Variants in USP6 observed in about 807,000 individuals in gnomAD.
USP6 encodes the protein ubiquitin carboxyl-terminal hydrolase 6.
Under a neutral mutation model 175.7 loss-of-function variants are expected in USP6, and 128 were observed. The ratio of observed to expected loss-of-function variants is 0.73; its 90% CI spans 0.63 to 0.84. USP6 has a LOEUF of 0.84. Among genes scored for constraint, USP6 ranks in the 40% least tolerant of loss-of-function variants. The pLI, the probability that USP6 is intolerant of heterozygous loss-of-function variation, is 0.00. For synonymous variants in USP6, 562 were observed against 630.6 expected (o/e 0.89, Z 1.63); for missense variants, 1,498 against 1,760.3 (o/e 0.85, Z 2.67).
intron 30 of USP6, among the ~76,000 whole-genome samples, chr17:5,150,475 G>A (rs1414720029): frequency 6.6e-6 from 1 of 151,380 alleles, no homozygotes; most frequent in Non-Finnish European, 1.5e-5. Flanking sequence ...TAAATTTGGT[G>A]GCTTTAAACA....
Position 5,132,439 on chromosome 17 carries a change from A to G in USP6, c.195+4A>G. ...TGTGACTGCACGGGAGGCGAAGGTAAGAGCCTGATGCGTGGAGGGGCTGGT... is the reference window on the plus strand; with the variant it reads ...TGTGACTGCACGGGAGGCGAAGGTAGGAGCCTGATGCGTGGAGGGGCTGGT... On this transcript the variant is annotated splice_donor_region_variant and intron_variant, in intron 12 of 37. Transcript: ENST00000574788. The surrounding 1 kb of genome is among the most constrained non-coding windows in gnomAD (Gnocchi z 4.7). The G allele has an allele frequency of 2.5e-6, 4 of 1,612,086 alleles. No homozygotes were observed. Among genetic ancestry groups the G allele is most frequent in the Non-Finnish European group, 3.4e-6 (4 of 1,179,824 alleles).
chr17:5,152,039 C>G (rs1372847362), intron 30 of USP6, among the ~76,000 whole-genome samples: 1 of 152,102 alleles, frequency 6.6e-6, no homozygotes, highest in Non-Finnish European at 1.5e-5. Context: ...GTCAGGAGTT[C>G]AAGACCAGCC....
intron 15 of USP6, chr17:5,135,025 G>T: frequency 1.8e-6 from 1 of 550,212 alleles, no homozygotes; most frequent in African/African-American, 1.9e-5. Context: ...GAAAAGGATC[G>T]GTCAACTCAC....
intron 36 of USP6, among the ~76,000 whole-genome samples, chr17:5,171,317 G>A (rs1181501210): frequency 2.0e-5 from 3 of 152,112 alleles, no homozygotes; most frequent in Non-Finnish European, 2.9e-5. Flanking sequence ...CCCAGCCTGG[G>A]TGATAGAGCA....
chr17:5,143,751 T>TAA (rs530283221), intron 25 of USP6, among the ~76,000 whole-genome samples: 6 of 111,792 alleles, frequency 5.4e-5, no homozygotes, highest in Non-Finnish European at 3.9e-5. Context: ...GAATGATCAA[T>TAA]AAAAAAAAAA....
rs1482503841 is a variant in USP6, at chr17:5,135,173, C to A, written c.495-61C>A. 3.8e-6 allele frequency: 6 copies of A among 1,568,942 alleles called. No individual in the cohort carries two copies. In the Admixed American group the frequency reaches 1.0e-4, roughly 26 times the overall value. On this transcript the variant is annotated intron_variant, in intron 15 of 37. Coordinates refer to ENST00000574788, the MANE Select transcript of USP6 (RefSeq NM_001304284.2). ...AATGGGATTTGTTAGGATTTGTAGA[C>A]AAAGTGAAACTAACAGCATCTGCAC...
intron 2 of USP6, among the ~76,000 whole-genome samples, chr17:5,118,894 C>T (rs1327046208): frequency 6.6e-6 from 1 of 152,096 alleles, no homozygotes; most frequent in Non-Finnish European, 1.5e-5. Flanking sequence ...GTGGGGCAGC[C>T]ATAGGTATTT....
At chr17:5,142,926 C>T (rs1333179151) in intron 25 of USP6, among the ~76,000 whole-genome samples, 1 of 152,228 alleles carries the variant, frequency 6.6e-6, no homozygotes, top group Admixed American at 6.5e-5. Flanking sequence ...CGCAGGGGCT[C>T]ATGCCTGTAA....
rs114040767 is a variant in USP6, at chr17:5,119,911, C to G, written c.-1836-716C>G. ...CTGCACAGGGACCCCTCCTTCAGGT[C>G]TGTCGGACTTGTATCCACCCCACCT... On this transcript the variant is annotated intron_variant, in intron 2 of 37. Transcript: ENST00000574788. Among the ~76,000 whole-genome samples the G allele has an allele frequency of 6.4e-3, 974 of 152,218 alleles. 13 individuals are homozygous for G. The highest frequency in any genetic ancestry group is 0.021 in the African/African-American group (877 of 41,548).
In USP6 at chr17:5,174,558, CA is replaced by C; in HGVS notation, c.*1584del. The C allele has an allele frequency of 5.2e-6, 1 of 193,174 alleles. No individual in the cohort carries two copies. Among genetic ancestry groups the C allele is most frequent in the East Asian group, 8.2e-5 (1 of 12,162 alleles). 12.0% of individuals were successfully genotyped at this position (193,174 alleles called of 1,614,324 possible). ...AATTGTCTAATGTAATAAAGTCAGA[CA>C]AAATGCACACTTTATAGTTTCAAGA... On this transcript the variant is annotated 3_prime_UTR_variant, in exon 38 of 38. Coordinates refer to ENST00000574788, the MANE Select transcript of USP6 (RefSeq NM_001304284.2).
intron 30 of USP6, among the ~76,000 whole-genome samples, chr17:5,153,486 A>G (rs755778534): frequency 1.9e-4 from 28 of 151,152 alleles, no homozygotes; most frequent in Admixed American, 5.9e-4. Context: ...GGGTCTCTCT[A>G]TGTTGGTTAG....
rs1440750895 is a variant in USP6 at position 5,125,153 on chromosome 17, G to A, written c.-711G>A. The A allele has an allele frequency of 6.6e-6, 1 of 152,500 alleles. No individual in the cohort carries two copies. The highest frequency in any genetic ancestry group is 2.4e-5 in the African/African-American group (1 of 41,466). The allele number at this position is 152,500 out of a possible 1,614,324, so 9.4% of individuals were successfully genotyped here. A position where few individuals can be genotyped will look rare whatever the true frequency, so the allele number is the denominator to read the frequency against. On this transcript the variant is annotated 5_prime_UTR_variant, in exon 5 of 38. It removes the in-frame stop codon of an upstream open reading frame in the 5' UTR. Coordinates refer to ENST00000574788, the MANE Select transcript of USP6 (RefSeq NM_001304284.2). The stretch of plus-strand genomic sequence containing the variant: ...GTGAACTGCGCATGCCAGGGATCTA[G>A]ATTGCGTGCTCCTTATGAGAACCTA...
At chr17:5,137,258 G>T in intron 19 of USP6, 72 bp downstream of exon 19, 3 of 1,571,420 alleles carry the variant, frequency 1.9e-6, no homozygotes, top group Non-Finnish European at 2.6e-6. Context: ...CCCAGCCCGG[G>T]GGTCTGGCTC....
rs750791215 is a variant in USP6, at chr17:5,139,571, C to G, written c.1395C>G (p.Gly465=). ...TCCCAACGGACCTGGATATAGGGGG[C>G]CCTTGGTTCCCCCATTATGATTTTG... The part of the protein sequence containing the change: ...PRLPTDLDIG[G]PWFPHYDFEW... Residue 465 remains glycine, a synonymous_variant, in exon 22 of 38, where the codon GGC becomes GGG. Coordinates refer to ENST00000574788, the MANE Select transcript of USP6 (RefSeq NM_001304284.2). The G allele has an allele frequency of 1.9e-6, 3 of 1,613,740 alleles. No homozygotes were observed. The Admixed American group carries it at 5.0e-5, about 27-fold the overall frequency.
intron 1 of USP6, among the ~76,000 whole-genome samples, 198 bp downstream of exon 1, chr17:5,116,938 G>A (rs1411746954): frequency 1.3e-5 from 2 of 152,220 alleles, no homozygotes; most frequent in South Asian, 2.1e-4. Context: ...AACAGCTCGT[G>A]GAAAGGCCAC....
At position 5,116,064 on chromosome 17, in the gene USP6, C is replaced by A. The variant is rs931181768; in HGVS notation, c.-2604C>A. Among the ~76,000 whole-genome samples the A allele has an allele frequency of 4.6e-5, 7 of 152,210 alleles. No individual in the cohort carries two copies. The highest frequency in any genetic ancestry group is 7.4e-5 in the Non-Finnish European group (5 of 68,024). ...TAGCGGCGCGGCGGGACGGGCGGGCCCCGACGCCCAGCTCCAAATGCGTGG... is the reference window on the plus strand; with the variant it reads ...TAGCGGCGCGGCGGGACGGGCGGGCACCGACGCCCAGCTCCAAATGCGTGG... On this transcript the variant is annotated 5_prime_UTR_variant, in exon 1 of 38. Transcript: ENST00000574788.
At chr17:5,131,853 GGTGT>G (rs1239024750) in intron 11 of USP6, among the ~76,000 whole-genome samples, 1 of 151,998 alleles carries the variant, frequency 6.6e-6, no homozygotes, top group Non-Finnish European at 1.5e-5. Context: ...TGAAATGCAG[GGTGT>G]GTGGCTCAGA....
chr17:5,171,873 AAG>A (rs2074225749), intron 37 of USP6, among the ~76,000 whole-genome samples, 194 bp downstream of exon 37: 1 of 150,908 alleles, frequency 6.6e-6, no homozygotes, highest in African/African-American at 2.5e-5. Flanking sequence ...AGGAAAAATA[AAG>A]AGTTAGTTGA....
chr17:5,139,168 C>T, intron 21 of USP6, 87 bp from the exon 22 acceptor site: 1 of 1,598,212 alleles, frequency 6.3e-7, no homozygotes, highest in Non-Finnish European at 8.5e-7. Flanking sequence ...ACCCCAAGGA[C>T]TCCAGAGATG....
Sources: gnomAD v4.1 joint callset for allele counts (sites outside exome capture counted in the v4.1 genomes callset) on GRCh38, gnomAD v4.1.1 for gene constraint, Gnocchi (gnomAD v3.1) non-coding constraint, MANE v1.5 for transcripts, NCBI Gene and HGNC (gene_info 2026-07-23, HGNC 2026-07-21) for gene names.